TEX2: variants seen among roughly 807,000 people sequenced by gnomAD.
The protein encoded by TEX2 is testis expressed 2.
A neutral mutation model predicts 106.9 loss-of-function variants in TEX2; 53 were observed. The ratio of observed to expected loss-of-function variants is 0.50; its 90% CI spans 0.40 to 0.62. The LOEUF is 0.62. Among genes scored for constraint, TEX2 ranks in the 20% least tolerant of loss-of-function variants. The probability of loss-of-function intolerance (pLI) is 0.00; values close to 1 mark genes in which losing one functional copy is unlikely to be tolerated. For missense variants in TEX2, 1,207 were observed against 1,379.0 expected (o/e 0.88, Z 1.98); for synonymous variants, 523 against 534.8 (o/e 0.98, Z 0.30).
intron 5 of TEX2, among the ~76,000 whole-genome samples, chr17:64,178,246 T>C (rs2143787559): frequency 6.6e-6 from 1 of 152,298 alleles, no homozygotes; most frequent in South Asian, 2.1e-4. Flanking sequence ...CCGATTTCCT[T>C]GGCTAATCAT....
intron 1 of TEX2, among the ~76,000 whole-genome samples, chr17:64,255,510 T>C (rs964020205): frequency 6.6e-6 from 1 of 152,238 alleles, no homozygotes; most frequent in Non-Finnish European, 1.5e-5. Context: ...ATTATCAAAA[T>C]TGAGTAATAG....
At chr17:64,222,935 G>A (rs1193405910) in intron 1 of TEX2, among the ~76,000 whole-genome samples, 1 of 152,102 alleles carries the variant, frequency 6.6e-6, no homozygotes, top group Non-Finnish European at 1.5e-5. Context: ...TTCTGCTGAT[G>A]GGTCCTTCCT....
At chr17:64,252,255 G>A (rs566225876) in intron 1 of TEX2, among the ~76,000 whole-genome samples, 2 of 152,060 alleles carry the variant, frequency 1.3e-5, no homozygotes, top group Non-Finnish European at 2.9e-5. Context: ...AGATCCCTGT[G>A]AACTCTTTCC....
intron 2 of TEX2, among the ~76,000 whole-genome samples, chr17:64,201,479 G>A (rs1240351690): frequency 2.0e-5 from 3 of 152,178 alleles, no homozygotes; most frequent in South Asian, 2.1e-4. Flanking sequence ...TACCCCAGGT[G>A]CATTATCTCC....
chr17:64,237,144 G>A (rs1191811995), intron 1 of TEX2, among the ~76,000 whole-genome samples: 3 of 152,174 alleles, frequency 2.0e-5, no homozygotes, highest in Non-Finnish European at 4.4e-5. Context: ...GAACAAGTGG[G>A]CATTGGGCTG....
chr17:64,243,319 T>C (rs1451427558), intron 1 of TEX2, among the ~76,000 whole-genome samples: 1 of 152,148 alleles, frequency 6.6e-6, no homozygotes, highest in Non-Finnish European at 1.5e-5. Context: ...ATCTTTTGAC[T>C]CTCAGGGGAA....
At chr17:64,174,125 A>T (rs943584686) in intron 6 of TEX2, among the ~76,000 whole-genome samples, 4 of 152,172 alleles carry the variant, frequency 2.6e-5, no homozygotes. Flanking sequence ...GATTACAGGC[A>T]TAAGCCACCA....
chr17:64,160,484 C>T (rs1028881041), intron 8 of TEX2, among the ~76,000 whole-genome samples: 1 of 152,106 alleles, frequency 6.6e-6, no homozygotes, highest in Admixed American at 6.6e-5. Context: ...TGATTCTATT[C>T]GAGGATCATT....
intron 5 of TEX2, among the ~76,000 whole-genome samples, chr17:64,180,341 CA>C (rs1260876890): frequency 6.6e-6 from 1 of 152,220 alleles, no homozygotes; most frequent in Non-Finnish European, 1.5e-5. Flanking sequence ...AAGGCTATTT[CA>C]CAATGTATGT....
At position 64,214,120 on chromosome 17, in the gene TEX2, G is replaced by C; in HGVS notation, c.98C>G (p.Thr33Ser). The C allele has an allele frequency of 1.2e-6, 2 of 1,614,176 alleles. No individual in the cohort carries two copies. The highest frequency in any genetic ancestry group is 2.2e-5 in the South Asian group (2 of 91,080). The change falls in exon 2 of 12, where the codon ACC becomes AGC. Residue 33 changes from threonine to serine, a missense_variant. Transcript: ENST00000584379. ...GGATGCCGAGAAGTGAATGGCGATG[G>C]TATCTCGGGACACGGACCTCTGCAC... Reference protein sequence around the residue: ...VHVQRSVSRDTIAIHFSASGE... With the variant: ...VHVQRSVSRDSIAIHFSASGE...
At chr17:64,234,295 C>T (rs536290886) in intron 1 of TEX2, among the ~76,000 whole-genome samples, 4 of 152,310 alleles carry the variant, frequency 2.6e-5, no homozygotes, top group African/African-American at 9.6e-5. Flanking sequence ...GAAACAAACG[C>T]TGTAAAATTG....
chr17:64,223,304 C>T (rs904160333), intron 1 of TEX2, among the ~76,000 whole-genome samples: 7 of 149,670 alleles, frequency 4.7e-5, no homozygotes, highest in African/African-American at 1.5e-4. Flanking sequence ...CATTTCAAGA[C>T]TCAATATTAG....
chr17:64,216,540 G>T (rs868916481), intron 1 of TEX2, among the ~76,000 whole-genome samples: 1 of 152,130 alleles, frequency 6.6e-6, no homozygotes, highest in Non-Finnish European at 1.5e-5. Flanking sequence ...AGAGTGAATC[G>T]GTCCTTCAGG....
At chr17:64,208,315 T>C (rs1217829879) in intron 2 of TEX2, among the ~76,000 whole-genome samples, 2 of 151,832 alleles carry the variant, frequency 1.3e-5, no homozygotes, top group Non-Finnish European at 2.9e-5. Context: ...CACGGCTCAG[T>C]GCAGCCTTGA....
At position 64,185,466 on chromosome 17, in the gene TEX2, C is replaced by G. The variant is rs1543267; in HGVS notation, c.2424+2702G>C. Among the ~76,000 whole-genome samples the G allele has an allele frequency of 6.6e-6, 1 of 152,076 alleles. No homozygotes were observed. The highest frequency in any genetic ancestry group is 2.4e-5 in the African/African-American group (1 of 41,396). On this transcript the variant is annotated intron_variant, in intron 5 of 11. Coordinates refer to ENST00000584379, the MANE Select transcript of TEX2 (RefSeq NM_001288732.2). The surrounding 1 kb of genome is among the most constrained non-coding windows in gnomAD (Gnocchi z 4.0). ...TTCAGACATTTTTTAAAAAAGAGTT[C>G]CCTTGTTTCCTGAATTAAATCCCCT...
At chr17:64,238,355 T>A (rs2033815605) in intron 1 of TEX2, among the ~76,000 whole-genome samples, 1 of 152,212 alleles carries the variant, frequency 6.6e-6, no homozygotes. Context: ...TCTGTGTAAG[T>A]TCAATTTTTT....
rs567533747 is a variant in TEX2 at position 64,161,205 on chromosome 17, G to A, written c.2672-272C>T. Among the ~76,000 whole-genome samples the A allele has an allele frequency of 9.2e-5, 14 of 152,230 alleles. No homozygotes were observed. In the South Asian group the frequency reaches 2.9e-3, roughly 32 times the overall value. The stretch of plus-strand genomic sequence containing the variant: ...TTCAGTGCACAAGTCAGCATTGGAA[G>A]GGTCCCATCCTCTGGCTTCTAAAAT... On this transcript the variant is annotated intron_variant, in intron 7 of 11. Coordinates refer to ENST00000584379, the MANE Select transcript of TEX2 (RefSeq NM_001288732.2).
chr17:64,164,325 C>G (rs995100208), intron 7 of TEX2, among the ~76,000 whole-genome samples: 1 of 152,014 alleles, frequency 6.6e-6, no homozygotes, highest in Non-Finnish European at 1.5e-5. Context: ...GTAGTCCCAG[C>G]TGCTAGGTAC....
At chr17:64,261,819 T>C (rs2034291937) in intron 1 of TEX2, among the ~76,000 whole-genome samples, 1 of 152,226 alleles carries the variant, frequency 6.6e-6, no homozygotes. Flanking sequence ...ACTACCATTT[T>C]TGGGGAGAAT....
Sources: gnomAD v4.1 joint callset for allele counts (sites outside exome capture counted in the v4.1 genomes callset) on GRCh38, gnomAD v4.1.1 for gene constraint, Gnocchi (gnomAD v3.1) non-coding constraint, MANE v1.5 for transcripts, NCBI Gene and HGNC (gene_info 2026-07-23, HGNC 2026-07-21) for gene names.